Variants in ZFHX3 observed in about 807,000 individuals in gnomAD.
The protein encoded by ZFHX3 is zinc finger homeobox protein 3.
Under a neutral mutation model 279.1 loss-of-function variants are expected in ZFHX3, and 42 were observed. That is an observed-to-expected ratio of 0.15 (90% CI 0.12 to 0.19). ZFHX3 has a LOEUF of 0.19. ZFHX3 is among the 10% of genes least tolerant of loss of function. The pLI, the probability that ZFHX3 is intolerant of heterozygous loss-of-function variation, is 1.00. For synonymous variants in ZFHX3, 2,293 were observed against 1,957.8 expected, an observed-to-expected ratio of 1.17 and a Z score of -4.52; for missense variants, 4,981 against 4,754.0, an observed-to-expected ratio of 1.05 and a Z score of -1.40.
intron 2 of ZFHX3, among the ~76,000 whole-genome samples, chr16:73,507,303 G>T (rs1186051461): frequency 6.6e-6 from 1 of 152,124 alleles, no homozygotes; most frequent in Non-Finnish European, 1.5e-5. Context: ...ACATAGGATA[G>T]ATACTGAGTT....
At chr16:72,866,494 G>T (rs1174280316) in intron 4 of ZFHX3, among the ~76,000 whole-genome samples, 1 of 152,158 alleles carries the variant, frequency 6.6e-6, no homozygotes, top group East Asian at 1.9e-4. Flanking sequence ...TCTTTCATTA[G>T]ATTACCTGAA....
rs559666203 is a variant in ZFHX3 at position 73,616,327 on chromosome 16, C to A, written c.-1547+63853G>T. On this transcript the variant is annotated intron_variant, in intron 2 of 17. Coordinates refer to the ZFHX3 transcript ENST00000641206. ...TTGATCACAGGTTAATGACAGCTGACAAGGAAACACTATGATTGGCTGAAG... is the reference window on the plus strand; with the variant it reads ...TTGATCACAGGTTAATGACAGCTGAAAAGGAAACACTATGATTGGCTGAAG... 1.3e-4 allele frequency among the ~76,000 whole-genome samples: 19 copies of A among 147,164 alleles called. 2 individuals are homozygous for A. In the South Asian group the frequency reaches 4.3e-3, roughly 33 times the overall value.
intron 3 of ZFHX3, among the ~76,000 whole-genome samples, chr16:72,929,559 A>G (rs1959676616): frequency 6.6e-6 from 1 of 152,242 alleles, no homozygotes; most frequent in Non-Finnish European, 1.5e-5. Context: ...CTTACAGGTC[A>G]TCATCAGGAT....
At chr16:72,946,136 C>T (rs189950259) in intron 3 of ZFHX3, among the ~76,000 whole-genome samples, 6 of 152,178 alleles carry the variant, frequency 3.9e-5, no homozygotes, top group Non-Finnish European at 8.8e-5. Context: ...TACATTCTTC[C>T]GTACTGCACA....
intron 4 of ZFHX3, among the ~76,000 whole-genome samples, chr16:73,258,233 G>A (rs547733604): frequency 6.6e-6 from 1 of 151,974 alleles, no homozygotes; most frequent in Admixed American, 6.6e-5. Flanking sequence ...AGATGTTAAG[G>A]GAATCATCCA....
At chr16:73,706,916 G>A (rs916098546) in intron 1 of ZFHX3, among the ~76,000 whole-genome samples, 2 of 152,066 alleles carry the variant, frequency 1.3e-5, no homozygotes, top group African/African-American at 2.4e-5. Flanking sequence ...TTACTTTAAC[G>A]ATTTCTTTCT....
intron 7 of ZFHX3, chr16:72,809,853 G>A (rs1239165727): frequency 1.3e-5 from 2 of 151,024 alleles, no homozygotes; most frequent in Non-Finnish European, 2.9e-5. Context: ...TCTCTTTGGT[G>A]GTTTTTCCTC....
At chr16:73,427,869 G>C (rs2143507752) in intron 3 of ZFHX3, among the ~76,000 whole-genome samples, 1 of 152,230 alleles carries the variant, frequency 6.6e-6, no homozygotes, top group East Asian at 1.9e-4. Context: ...CTGGAACCCG[G>C]GAGGCAGAGG....
chr16:72,863,513 G>C (rs77601590), intron 4 of ZFHX3, among the ~76,000 whole-genome samples: 1 of 148,298 alleles, frequency 6.7e-6, no homozygotes, highest in Non-Finnish European at 1.5e-5. Context: ...GACAGAGAGA[G>C]AGAGAGACAG....
At chr16:73,557,402 G>C (rs1178875677) in intron 2 of ZFHX3, among the ~76,000 whole-genome samples, 2 of 152,154 alleles carry the variant, frequency 1.3e-5, no homozygotes, top group Non-Finnish European at 2.9e-5. Flanking sequence ...AATTCAGGGC[G>C]AGTTCGTAAA....
chr16:73,547,372 T>G (rs2020136729), intron 2 of ZFHX3, among the ~76,000 whole-genome samples: 2 of 152,210 alleles, frequency 1.3e-5, no homozygotes, highest in South Asian at 4.1e-4. Context: ...TGGTTTAAAT[T>G]AAATCCTACT....
chr16:73,721,447 G>T (rs2053472997), intron 1 of ZFHX3, among the ~76,000 whole-genome samples: 1 of 152,140 alleles, frequency 6.6e-6, no homozygotes, highest in South Asian at 2.1e-4. Flanking sequence ...ACATCATCCT[G>T]TCTGGCCCTG....
At chr16:73,237,287 G>T (rs1435696625) in intron 5 of ZFHX3, among the ~76,000 whole-genome samples, 2 of 152,116 alleles carry the variant, frequency 1.3e-5, no homozygotes, top group Non-Finnish European at 2.9e-5. Flanking sequence ...ATAGGGTCTT[G>T]CTGTGTTGTC....
chr16:73,479,332 A>G (rs2018824794), intron 2 of ZFHX3, among the ~76,000 whole-genome samples: 1 of 152,174 alleles, frequency 6.6e-6, no homozygotes, highest in African/African-American at 2.4e-5. Context: ...TTCCCATTCC[A>G]GGCTCTTCTG....
At chr16:73,682,904 A>AAAGAAAGAAAG (rs2053031038) in intron 1 of ZFHX3, among the ~76,000 whole-genome samples, 2 of 44,762 alleles carry the variant, frequency 4.5e-5, no homozygotes, top group African/African-American at 1.7e-4. Flanking sequence ...GAAAGAAAGA[A>AAAGAAAGAAAG]AGAGAAAGAA....
rs2053072171 is a variant in ZFHX3 at position 73,685,394 on chromosome 16, T to TC, written c.-1607-5155_-1607-5154insG. ...TGGAATCATGATGAAGATAGACAGG[T>TC]TATTACTGGCTTTGAAGACTGAAGC... On this transcript the variant is annotated intron_variant, in intron 1 of 17. Coordinates refer to the ZFHX3 transcript ENST00000641206. Among the ~76,000 whole-genome samples, 5 of 152,200 alleles carry TC rather than the reference T, an allele frequency of 3.3e-5. No homozygotes were observed. In the South Asian group the frequency reaches 1.0e-3, roughly 31 times the overall value.
chr16:72,934,243 G>A (rs935768147), intron 3 of ZFHX3, among the ~76,000 whole-genome samples: 4 of 152,016 alleles, frequency 2.6e-5, no homozygotes, highest in Admixed American at 2.0e-4. Flanking sequence ...TGGCCAACAT[G>A]GTAAAACCCC....
At chr16:73,615,930 C>T (rs781221000) in intron 2 of ZFHX3, among the ~76,000 whole-genome samples, 2 of 152,154 alleles carry the variant, frequency 1.3e-5, no homozygotes, top group Non-Finnish European at 2.9e-5. Flanking sequence ...TATGGAAAAA[C>T]GGAATCTTCA....
chr16:73,876,121 A>G (rs1444307687), intron 1 of ZFHX3, among the ~76,000 whole-genome samples: 5 of 152,236 alleles, frequency 3.3e-5, no homozygotes, highest in East Asian at 3.9e-4. Flanking sequence ...AAATGGAAAC[A>G]TCCCAATCCC....
Sources: allele counts gnomAD v4.1 joint callset (sites outside exome capture counted in the v4.1 genomes callset), GRCh38; gene constraint gnomAD v4.1.1; transcripts MANE v1.5; gene names NCBI Gene and HGNC (gene_info 2026-07-23, HGNC 2026-07-21).